CSMD2: variants seen among roughly 807,000 people sequenced by gnomAD.
CSMD2 encodes the protein CUB and Sushi multiple domains 2, also known as CUB and sushi domain-containing protein 2.
Under a neutral mutation model 398.5 loss-of-function variants are expected in CSMD2, and 130 were observed. That is an observed-to-expected ratio of 0.33 (90% confidence interval 0.28 to 0.38). The LOEUF (loss-of-function observed/expected upper bound fraction) is 0.38. Ranked by LOEUF, CSMD2 falls within the 10% of genes least tolerant of loss-of-function variation. The pLI is 1.00. For missense variants in CSMD2, 3,829 were observed against 4,764.9 expected (o/e 0.80, Z 5.78); for synonymous variants, 1,828 against 1,908.5 (o/e 0.96, Z 1.10).
intron 19 of CSMD2, among the ~76,000 whole-genome samples, chr1:33,721,072 A>T (rs577981848): frequency 6.6e-6 from 1 of 152,266 alleles, no homozygotes; most frequent in African/African-American, 2.4e-5. Flanking sequence ...GGAAGAAGTG[A>T]TCTGGTCATT....
rs372205154 is a variant in CSMD2, at chr1:33,739,339, G to A, written c.2174-5C>T. On this transcript the variant is annotated splice_polypyrimidine_tract_variant and splice_region_variant and intron_variant, in intron 14 of 70. Coordinates refer to ENST00000373381, the MANE Select transcript of CSMD2 (RefSeq NM_001281956.2). ...GGCACTCGTTGTGTCGGAAGGCTGT[G>A]TAGATGGAGTTCAAGGACATGATCA... is the stretch of plus-strand genomic sequence containing the variant. The A allele has an allele frequency of 6.8e-6, 11 of 1,608,872 alleles. No homozygotes were observed. The African/African-American group carries it at 1.2e-4, about 18-fold the overall frequency.
chr1:33,560,300 C>T (rs988778579), intron 53 of CSMD2, among the ~76,000 whole-genome samples: 1 of 152,118 alleles, frequency 6.6e-6, no homozygotes, highest in African/African-American at 2.4e-5. Flanking sequence ...TATTAGTAAG[C>T]GAGGTAATAT....
intron 3 of CSMD2, 64 bp downstream of exon 3, chr1:34,032,530 T>C (rs1650581299): frequency 1.9e-6 from 2 of 1,073,434 alleles, no homozygotes; most frequent in Non-Finnish European, 2.7e-6. Context: ...AGCAATGCAG[T>C]CCTGCTTGTG....
At chr1:33,544,193 G>A (rs894299484) in intron 57 of CSMD2, among the ~76,000 whole-genome samples, 1 of 139,968 alleles carries the variant, frequency 7.1e-6, no homozygotes, top group African/African-American at 2.7e-5. Context: ...TGCAAGCTCC[G>A]CCTCCCGGGT....
Position 33,577,546 on chromosome 1 carries a change from T to G in CSMD2, c.7388-62A>C, listed in dbSNP as rs149067438. The G allele has an allele frequency of 1.2e-3, 1,732 of 1,435,940 alleles. 14 individuals are homozygous for G. In the African/African-American group the frequency reaches 0.026, roughly 21 times the overall value. The allele number at this position is 1,435,940 out of a possible 1,614,324, so 88.9% of individuals were successfully genotyped here. A position where few individuals can be genotyped will look rare whatever the true frequency, so the allele number is the denominator to read the frequency against. ...GCAGGAAGACAGACATGGTCTTTCA[T>G]GCAGGCCCCTTTCCCTTTCGTCTCC... On this transcript the variant is annotated intron_variant, in intron 48 of 70. Transcript: ENST00000373381.
chr1:33,672,256 G>A (rs1035948443), intron 25 of CSMD2, among the ~76,000 whole-genome samples: 9 of 152,210 alleles, frequency 5.9e-5, no homozygotes, highest in African/African-American at 1.9e-4. Context: ...CTGGAAAATC[G>A]GGTCACTCCC....
At chr1:33,646,264 A>G (rs1341129640) in intron 29 of CSMD2, among the ~76,000 whole-genome samples, 2 of 152,108 alleles carry the variant, frequency 1.3e-5, no homozygotes, top group African/African-American at 4.8e-5. Flanking sequence ...AGAAGCTCTG[A>G]GTGGAGAGGA....
At chr1:33,921,097 G>A (rs943673032) in intron 4 of CSMD2, among the ~76,000 whole-genome samples, 3 of 152,156 alleles carry the variant, frequency 2.0e-5, no homozygotes, top group African/African-American at 7.2e-5. Flanking sequence ...GCTGGACTGC[G>A]AAGGTCCTTG....
chr1:33,672,364 G>A (rs183702397), intron 25 of CSMD2, among the ~76,000 whole-genome samples: 2 of 152,216 alleles, frequency 1.3e-5, no homozygotes, highest in Non-Finnish European at 2.9e-5. Context: ...ACGGAGCCTT[G>A]CTAGCACAGC....
At chr1:33,698,699 A>G in intron 24 of CSMD2, 54 bp downstream of exon 24, 2 of 1,514,026 alleles carry the variant, frequency 1.3e-6, no homozygotes, top group Non-Finnish European at 1.8e-6. Context: ...CCAGGACTAG[A>G]GCTTGGTATT....
chr1:34,028,297 A>G (rs1257387300), intron 3 of CSMD2, among the ~76,000 whole-genome samples: 3 of 152,146 alleles, frequency 2.0e-5, no homozygotes, highest in Non-Finnish European at 4.4e-5. Flanking sequence ...GCCTGGAGGA[A>G]AAAGTGAGGC....
At chr1:34,117,465 A>G (rs1661720986) in intron 1 of CSMD2, among the ~76,000 whole-genome samples, 1 of 152,132 alleles carries the variant, frequency 6.6e-6, no homozygotes, top group East Asian at 1.9e-4. Context: ...ATCAGTAATA[A>G]AAAACCTATC....
chr1:33,857,302 T>C (rs1639169377), intron 5 of CSMD2, among the ~76,000 whole-genome samples: 1 of 152,146 alleles, frequency 6.6e-6, no homozygotes, highest in African/African-American at 2.4e-5. Context: ...ATTCCTCTCT[T>C]CTTGTATTGC....
In CSMD2 at chr1:34,135,242, T is replaced by TCTCACA. The variant is rs373209118; in HGVS notation, c.187+29668_187+29669insTGTGAG. Among the ~76,000 whole-genome samples the TCTCACA allele has an allele frequency of 4.6e-3, 625 of 135,594 alleles. 2 individuals carry two copies. Among genetic ancestry groups the TCTCACA allele is most frequent in the Middle Eastern group, 0.011 (3 of 264 alleles). 89.0% of individuals were successfully genotyped at this position (135,594 alleles called of 152,430 possible). A position where few individuals can be genotyped will look rare whatever the true frequency, so the allele number is the denominator to read the frequency against. The stretch of plus-strand genomic sequence containing the variant: ...ATAGACATCTGCCCTCATGTTGAAA[T>TCTCACA]CACACACACACACACACACACACAC... On this transcript the variant is annotated intron_variant, in intron 1 of 70. Transcript: ENST00000373381.
At chr1:33,835,879 T>C (rs1490360202) in intron 6 of CSMD2, among the ~76,000 whole-genome samples, 6 of 152,164 alleles carry the variant, frequency 3.9e-5, no homozygotes, top group Non-Finnish European at 8.8e-5. Context: ...AGTCATTCTC[T>C]GTCCAGCTTC....
intron 15 of CSMD2, among the ~76,000 whole-genome samples, chr1:33,737,675 C>T (rs980047033): frequency 1.3e-5 from 2 of 152,090 alleles, no homozygotes; most frequent in Admixed American, 6.6e-5. Context: ...CATTGATATG[C>T]GTCTCATTAG....
intron 2 of CSMD2, among the ~76,000 whole-genome samples, chr1:34,069,690 A>G (rs1191472224): frequency 6.6e-6 from 1 of 152,164 alleles, no homozygotes; most frequent in Non-Finnish European, 1.5e-5. Flanking sequence ...ACTCCCAACA[A>G]TGTGCTTCAA....
intron 12 of CSMD2, among the ~76,000 whole-genome samples, chr1:33,787,222 G>A (rs745810770): frequency 2.0e-5 from 3 of 152,190 alleles, no homozygotes; most frequent in Non-Finnish European, 2.9e-5. Context: ...GAGCCTTGGC[G>A]TCAGACTTCC....
At chr1:34,013,145 G>T (rs1396060512) in intron 3 of CSMD2, among the ~76,000 whole-genome samples, 1 of 152,194 alleles carries the variant, frequency 6.6e-6, no homozygotes, top group Admixed American at 6.5e-5. Flanking sequence ...AGCCTTCCGG[G>T]GAGGGCTGCT....
Sources: gnomAD v4.1 joint callset for allele counts (sites outside exome capture counted in the v4.1 genomes callset) on GRCh38, gnomAD v4.1.1 for gene constraint, MANE v1.5 for transcripts, NCBI Gene and HGNC (gene_info 2026-07-23, HGNC 2026-07-21) for gene names.